The following GLE1 variants were observed in gnomAD, a reference collection of about 807,000 sequenced individuals.
GLE1 encodes mRNA export factor GLE1.
In GLE1, 78 loss-of-function variants were observed where a neutral mutation model predicts 97.3. The ratio of observed to expected loss-of-function variants is 0.80; its 90% CI spans 0.67 to 0.97. The LOEUF is 0.97. Ranked by LOEUF, GLE1 falls within the 50% of genes least tolerant of loss-of-function variation. The probability of loss-of-function intolerance (pLI) is 0.00; values close to 1 mark genes in which losing one functional copy is unlikely to be tolerated. For missense variants in GLE1, 753 were observed against 857.5 expected (o/e 0.88, Z 1.52); for synonymous variants, 302 against 313.4 (o/e 0.96, Z 0.39).
intron 7 of GLE1, among the ~76,000 whole-genome samples, 160 bp downstream of exon 7, chr9:128,525,583 A>G (rs1358220601): frequency 6.6e-6 from 1 of 152,208 alleles, no homozygotes; most frequent in Non-Finnish European, 1.5e-5. Flanking sequence ...CTGATTTACG[A>G]TTCCAACACT....
chr9:128,506,374 T>C (rs1208628359), intron 1 of GLE1, among the ~76,000 whole-genome samples: 1 of 152,184 alleles, frequency 6.6e-6, no homozygotes, highest in African/African-American at 2.4e-5. Flanking sequence ...TGTAAATATG[T>C]ACAACAATTA....
chr9:128,528,022 CAG>C lies in GLE1; in HGVS notation c.1312+500_1312+501del, dbSNP rs1188697449. 8.9e-4 allele frequency among the ~76,000 whole-genome samples: 102 copies of C among 115,228 alleles called. 1 individual carries two copies. The highest frequency in any genetic ancestry group is 4.6e-3 in the South Asian group (15 of 3,240). 75.6% of individuals were successfully genotyped at this position (115,228 alleles called of 152,430 possible). A position where few individuals can be genotyped will look rare whatever the true frequency, so the allele number is the denominator to read the frequency against. Reference sequence around the variant, plus strand: ...TTTTTTCTTTTTTTTTTTTTTGAGACAGAGTCTTGCTCTGTCGCCCAGGCTGG... The same window carrying C: ...TTTTTTCTTTTTTTTTTTTTTGAGACAGTCTTGCTCTGTCGCCCAGGCTGG... On this transcript the variant is annotated intron_variant, in intron 9 of 15. Coordinates refer to ENST00000309971, the MANE Select transcript of GLE1 (RefSeq NM_001003722.2).
intron 9 of GLE1, among the ~76,000 whole-genome samples, chr9:128,527,744 T>A (rs1847344327): frequency 6.6e-6 from 1 of 151,980 alleles, no homozygotes; most frequent in African/African-American, 2.4e-5. Context: ...GGTGGGCGGA[T>A]CACGAGGTCA....
intron 9 of GLE1, among the ~76,000 whole-genome samples, chr9:128,533,139 A>G (rs1847571656): frequency 6.6e-6 from 1 of 152,058 alleles, no homozygotes; most frequent in Non-Finnish European, 1.5e-5. Flanking sequence ...CAATGATGAA[A>G]CAGGCTGGGC....
chr9:128,505,381 G>T (rs996451773), intron 1 of GLE1, among the ~76,000 whole-genome samples: 2 of 152,204 alleles, frequency 1.3e-5, no homozygotes, highest in African/African-American at 4.8e-5. Flanking sequence ...AGCTCTGCGC[G>T]AGAAGTGGAG....
intron 11 of GLE1, among the ~76,000 whole-genome samples, chr9:128,535,238 G>A (rs1027063056): frequency 3.0e-4 from 46 of 151,740 alleles, no homozygotes; most frequent in Admixed American, 2.4e-3. Context: ...TTGGCTGGGC[G>A]CGGTGGCTCA....
chr9:128,511,921 C>T (rs990857492), intron 2 of GLE1, among the ~76,000 whole-genome samples: 1 of 152,046 alleles, frequency 6.6e-6, no homozygotes, highest in African/African-American at 2.4e-5. Context: ...AAGTGATTCT[C>T]CTGCCTCAGC....
In GLE1 at chr9:128,524,072, CTTTTTTTTTTTT is replaced by C. The variant is rs67466089; in HGVS notation, c.897+240_897+251del. Among the ~76,000 whole-genome samples the C allele has an allele frequency of 1.4e-4, 10 of 69,980 alleles. No homozygotes were observed. In the South Asian group the frequency reaches 5.9e-3, roughly 41 times the overall value. The allele number at this position is 69,980 out of a possible 152,430, so 45.9% of individuals were successfully genotyped here. A position where few individuals can be genotyped will look rare whatever the true frequency, so the allele number is the denominator to read the frequency against. Reference sequence around the variant, plus strand: ...TTTTTATACCTGCTTATTCTGGAGTCTTTTTTTTTTTTTTTTTTTTTTTTTGTGATGGGGTTC... The same window carrying C: ...TTTTTATACCTGCTTATTCTGGAGTCTTTTTTTTTTTTTGTGATGGGGTTC... On this transcript the variant is annotated intron_variant, in intron 6 of 15. Coordinates refer to ENST00000309971, the MANE Select transcript of GLE1 (RefSeq NM_001003722.2).
chr9:128,541,390 A>C lies in GLE1; in HGVS notation c.*220A>C. ...TAGTTCCTTAAGAGATCCACGTGAT[A>C]AAATAAATGGAGTTGGCCTTTCTTG... On this transcript the variant is annotated 3_prime_UTR_variant, in exon 16 of 16. Transcript: ENST00000309971. 1.7e-6 allele frequency: 1 copy of C among 575,346 alleles called. No homozygotes were observed. Among genetic ancestry groups the C allele is most frequent in the South Asian group, 2.1e-5 (1 of 47,540 alleles). 35.6% of individuals were successfully genotyped at this position (575,346 alleles called of 1,614,324 possible).
intron 5 of GLE1, 60 bp from the exon 6 acceptor site, chr9:128,523,532 C>T (rs1450970920): frequency 6.3e-7 from 1 of 1,599,432 alleles, no homozygotes; most frequent in Non-Finnish European, 8.6e-7. Context: ...AATTTGAGGA[C>T]TGTAGAAAGA....
At chr9:128,522,848 T>G (rs2132455729) in intron 4 of GLE1, 32 bp downstream of exon 4, 2 of 1,611,412 alleles carry the variant, frequency 1.2e-6, no homozygotes, top group East Asian at 4.5e-5. Context: ...CTGGGAATGT[T>G]GATGTGTTCA....
intron 7 of GLE1, 79 bp downstream of exon 7, chr9:128,525,502 G>T (rs1847276522): frequency 2.1e-6 from 2 of 945,120 alleles, no homozygotes; most frequent in Non-Finnish European, 3.3e-6. Context: ...TTTGAATGTT[G>T]TGTTAAACTG....
chr9:128,514,026 AAAAAAAG>A lies in GLE1; in HGVS notation c.322-1497_322-1491del, dbSNP rs532286738. Among the ~76,000 whole-genome samples, 340 of 150,744 alleles carry A rather than the reference AAAAAAAG, an allele frequency of 2.3e-3. 6 individuals are homozygous for A. The East Asian group carries it at 0.056, about 25-fold the overall frequency. On this transcript the variant is annotated intron_variant, in intron 2 of 15. Coordinates refer to ENST00000309971, the MANE Select transcript of GLE1 (RefSeq NM_001003722.2). ...GAGTGAGACTCCATCTCAAAAAAAA[AAAAAAAG>A]AAAAAGAAAAAGAAAAAAAATAGGC...
chr9:128,518,675 C>T (rs1001152732), intron 3 of GLE1, among the ~76,000 whole-genome samples: 4 of 152,094 alleles, frequency 2.6e-5, no homozygotes, highest in African/African-American at 9.7e-5. Flanking sequence ...CGAGACCAGC[C>T]TGGCCAACAT....
intron 2 of GLE1, 40 bp downstream of exon 2, chr9:128,509,137 T>A (rs1167369919): frequency 3.3e-6 from 4 of 1,195,526 alleles, no homozygotes; most frequent in Non-Finnish European, 5.0e-6. Context: ...ACATGGTGGC[T>A]GCAAAGTCAA....
At chr9:128,526,055 C>T (rs1847291812) in intron 7 of GLE1, among the ~76,000 whole-genome samples, 1 of 151,862 alleles carries the variant, frequency 6.6e-6, no homozygotes, top group Admixed American at 6.6e-5. Flanking sequence ...GAGATTTGCT[C>T]TTGTTGCCCA....
Position 128,527,260 on chromosome 9 carries a change from T to C in GLE1, c.1211T>C (p.Phe404Ser). 3.1e-6 allele frequency: 5 copies of C among 1,609,070 alleles called. No individual in the cohort carries two copies. Among genetic ancestry groups the C allele is most frequent in the Non-Finnish European group, 4.3e-6 (5 of 1,175,402 alleles). Reference sequence around the variant, plus strand: ...GCTTCCATGCAGTGTGTGTTGACCTTTGAGGGCCTGACCAACAGCAAGGAC... The same window carrying C: ...GCTTCCATGCAGTGTGTGTTGACCTCTGAGGGCCTGACCAACAGCAAGGAC... ...QDASMQCVLT[F>S]EGLTNSKDSQ... Residue 404 changes from phenylalanine (F) to serine (S), a missense_variant, in exon 8 of 16, where the codon TTT becomes TCT. Phe to Ser is a radical substitution (Grantham distance 155). Coordinates refer to ENST00000309971, the MANE Select transcript of GLE1 (RefSeq NM_001003722.2).
intron 15 of GLE1, 135 bp from the exon 16 acceptor site, chr9:128,540,967 T>TA: frequency 1.4e-6 from 1 of 711,866 alleles, no homozygotes; most frequent in Non-Finnish European, 2.6e-6. Flanking sequence ...CCATCAGTCT[T>TA]ACTGGCTTTT....
intron 9 of GLE1, among the ~76,000 whole-genome samples, chr9:128,532,216 T>C (rs1173335009): frequency 7.1e-6 from 1 of 140,972 alleles, no homozygotes; most frequent in Non-Finnish European, 1.5e-5. Context: ...TTGCTTTTTT[T>C]TTTTTTTTTT....
Sources: gnomAD v4.1 joint callset for allele counts (sites outside exome capture counted in the v4.1 genomes callset) on GRCh38, gnomAD v4.1.1 for gene constraint, MANE v1.5 for transcripts, NCBI Gene and HGNC (gene_info 2026-07-23, HGNC 2026-07-21) for gene names.